FYB2: variants seen among roughly 807,000 people sequenced by gnomAD.
The protein encoded by FYB2 is FYN-binding protein 2.
A neutral mutation model predicts 94.1 loss-of-function variants in FYB2; 103 were observed. The observed-to-expected ratio is 1.09, with a 90% CI of 0.93 to 1.29. The LOEUF (loss-of-function observed/expected upper bound fraction) is 1.29. FYB2 is among the 50% of genes most tolerant of loss of function. The probability of loss-of-function intolerance (pLI) is 0.00; values close to 1 mark genes in which losing one functional copy is unlikely to be tolerated. For missense variants in FYB2, 896 were observed against 841.5 expected (o/e 1.06, Z -0.80); for synonymous variants, 293 against 287.9 (o/e 1.02, Z -0.18).
intron 4 of FYB2, among the ~76,000 whole-genome samples, chr1:56,780,667 G>C (rs1221509114): frequency 1.3e-5 from 2 of 152,064 alleles, no homozygotes; most frequent in African/African-American, 4.8e-5. Context: ...AGGACATAAG[G>C]TACAACTCTT....
intron 15 of FYB2, among the ~76,000 whole-genome samples, chr1:56,733,240 G>T (rs1644751209): frequency 6.6e-6 from 1 of 152,120 alleles, no homozygotes; most frequent in Non-Finnish European, 1.5e-5. Flanking sequence ...ATAGTATTCT[G>T]ATGGTAGTTT....
rs541881871 is a variant in FYB2, at chr1:56,750,988, C to T, written c.1387+56G>A. ...AAAATAAATTAAAATTTTGGCCATG[C>T]TCAGCTATAAAACAAATTGTAATGA... On this transcript the variant is annotated intron_variant, in intron 9 of 19. Coordinates refer to ENST00000343433, the MANE Select transcript of FYB2 (RefSeq NM_001004303.5). 3.5e-5 allele frequency: 54 copies of T among 1,562,766 alleles called. No individual in the cohort carries two copies. In the African/African-American group the frequency reaches 6.3e-4, roughly 18 times the overall value.
At chr1:56,819,997 G>A (rs770907709), upstream of FYB2, among the ~76,000 whole-genome samples, 31 of 152,132 alleles carry the variant, frequency 2.0e-4, no homozygotes, top group Non-Finnish European at 4.0e-4. Context: ...GGAGGTCGAG[G>A]TGTGTGGATC....
chr1:56,802,437 G>T (rs1179249283), intron 1 of FYB2, among the ~76,000 whole-genome samples: 1 of 152,162 alleles, frequency 6.6e-6, no homozygotes, highest in Non-Finnish European at 1.5e-5. Context: ...GTTTAGCTTG[G>T]CCCATTCAGG....
chr1:56,790,442 C>T (rs954711542), intron 2 of FYB2, among the ~76,000 whole-genome samples: 3 of 152,196 alleles, frequency 2.0e-5, no homozygotes, highest in Non-Finnish European at 4.4e-5. Flanking sequence ...AGGCACTGTG[C>T]TAAGTAGTTT....
In FYB2 at chr1:56,787,159, AG is replaced by A. The variant is rs772333608; in HGVS notation, c.953+15del. Reference sequence around the variant, plus strand: ...GGTGGGCTACGTTCCTACACAACTAAGGAGCATGTACTTACCTCTCTGGAGA... The same window carrying A: ...GGTGGGCTACGTTCCTACACAACTAAGAGCATGTACTTACCTCTCTGGAGA... On this transcript the variant is annotated intron_variant, in intron 4 of 19. Coordinates refer to ENST00000343433, the MANE Select transcript of FYB2 (RefSeq NM_001004303.5). The A allele has an allele frequency of 6.2e-7, 1 of 1,613,854 alleles. No homozygotes were observed. Among genetic ancestry groups the A allele is most frequent in the Non-Finnish European group, 8.5e-7 (1 of 1,179,784 alleles).
intron 8 of FYB2, among the ~76,000 whole-genome samples, chr1:56,752,309 C>A (rs114140732): frequency 6.6e-6 from 1 of 151,956 alleles, no homozygotes; most frequent in African/African-American, 2.4e-5. Context: ...ACTGACAGGA[C>A]GAGACCCTGG....
At chr1:56,723,541 T>G (rs761704611) in intron 17 of FYB2, 47 bp downstream of exon 17, 4 of 1,125,242 alleles carry the variant, frequency 3.6e-6, no homozygotes, top group Non-Finnish European at 5.1e-6. Context: ...AAATGAAAGC[T>G]CCTAGCTGTT....
the FYB2 span, among the ~76,000 whole-genome samples, chr1:56,825,500 G>T: frequency 6.6e-6 from 1 of 152,054 alleles, no homozygotes. Context: ...TTCCACTATG[G>T]TCTAGGTTAG....
At chr1:56,791,503 C>A (rs770297123) in intron 2 of FYB2, among the ~76,000 whole-genome samples, 17 of 152,110 alleles carry the variant, frequency 1.1e-4, no homozygotes, top group Non-Finnish European at 1.6e-4. Flanking sequence ...CCACCTTGGC[C>A]TACAAAAATG....
chr1:56,774,830 A>G (rs1156356883), intron 4 of FYB2, among the ~76,000 whole-genome samples: 1 of 152,118 alleles, frequency 6.6e-6, no homozygotes, highest in Non-Finnish European at 1.5e-5. Context: ...TAGTGCAACT[A>G]GAATAAAATA....
At chr1:56,816,907 C>G (rs1031877275) in intron 1 of FYB2, among the ~76,000 whole-genome samples, 1 of 151,488 alleles carries the variant, frequency 6.6e-6, no homozygotes, top group African/African-American at 2.4e-5. Context: ...CCTGCTGACC[C>G]TACCTTTAAT....
intron 4 of FYB2, among the ~76,000 whole-genome samples, chr1:56,782,812 C>T (rs1646038698): frequency 6.6e-6 from 1 of 152,164 alleles, no homozygotes; most frequent in Non-Finnish European, 1.5e-5. Context: ...CCAAAATAAA[C>T]AGCACCTCCT....
intron 9 of FYB2, among the ~76,000 whole-genome samples, chr1:56,746,157 T>G (rs1645062665): frequency 6.6e-6 from 1 of 151,992 alleles, no homozygotes; most frequent in South Asian, 2.1e-4. Context: ...GATCCGAAAG[T>G]AACCTCTGTG....
chr1:56,750,761 T>C (rs909283161), intron 9 of FYB2, among the ~76,000 whole-genome samples: 1 of 151,964 alleles, frequency 6.6e-6, no homozygotes, highest in Non-Finnish European at 1.5e-5. Context: ...GTGAGGTCCA[T>C]ATTATGATGA....
intron 4 of FYB2, among the ~76,000 whole-genome samples, chr1:56,786,974 A>T (rs1646145441): frequency 6.6e-6 from 1 of 152,228 alleles, no homozygotes; most frequent in Non-Finnish European, 1.5e-5. Context: ...TTTGCAACTT[A>T]ACATCAGTAC....
intron 1 of FYB2, among the ~76,000 whole-genome samples, chr1:56,810,446 C>T (rs966210569): frequency 6.6e-6 from 1 of 151,904 alleles, no homozygotes; most frequent in African/African-American, 2.4e-5. Context: ...GAACAAGGGG[C>T]ATGGGACCCA....
intron 9 of FYB2, among the ~76,000 whole-genome samples, chr1:56,746,575 T>A (rs925294347): frequency 2.6e-5 from 4 of 152,192 alleles, no homozygotes; most frequent in East Asian, 3.9e-4. Context: ...TGGTGTCACC[T>A]ACTTTCCTTC....
At chr1:56,725,250 C>A (rs559719335) in intron 16 of FYB2, among the ~76,000 whole-genome samples, 1 of 152,150 alleles carries the variant, frequency 6.6e-6, no homozygotes, top group South Asian at 2.1e-4. Context: ...GCCAACTTTT[C>A]TTTAAACTTG....
Sources: gnomAD v4.1 joint callset for allele counts (sites outside exome capture counted in the v4.1 genomes callset) on GRCh38, gnomAD v4.1.1 for gene constraint, MANE v1.5 for transcripts, NCBI Gene and HGNC (gene_info 2026-07-23, HGNC 2026-07-21) for gene names.